ABL2: variants seen among roughly 807,000 people sequenced by gnomAD.
The protein encoded by ABL2 is ABL proto-oncogene 2, non-receptor tyrosine kinase.
In ABL2, 49 loss-of-function variants were observed where a neutral mutation model predicts 107.7. The observed-to-expected ratio is 0.45, with a 90% CI of 0.36 to 0.58. ABL2 has a LOEUF of 0.58. Among genes scored for constraint, ABL2 ranks in the 20% least tolerant of loss-of-function variants. The pLI is 0.00. For missense variants in ABL2, 1,245 were observed against 1,457.0 expected (o/e 0.85, Z 2.37); for synonymous variants, 549 against 548.6 (o/e 1.00, Z -0.01).
intron 4 of ABL2, among the ~76,000 whole-genome samples, chr1:179,124,464 CTTTTTTTTTT>C (rs562899587): frequency 1.2e-5 from 1 of 83,350 alleles, no homozygotes; most frequent in East Asian, 3.9e-4. Context: ...TTAGCTTCTG[CTTTTTTTTTT>C]TTTTTTTTTT....
Position 179,222,022 on chromosome 1 carries a change from C to A in ABL2, c.157+7219G>T. The A allele has an allele frequency of 1.5e-5, 3 of 200,160 alleles. No individual in the cohort carries two copies. In the South Asian group the frequency reaches 3.1e-4, roughly 21 times the overall value. The allele number at this position is 200,160 out of a possible 1,614,324, so 12.4% of individuals were successfully genotyped here. ...CTTTTCTTTCTATATAGAATCCATT[C>A]AGATGTCTGTCAATTTGGATGTGTG... On this transcript the variant is annotated intron_variant, in intron 1 of 11. Transcript: ENST00000502732.
chr1:179,177,765 A>G (rs1300887841), intron 1 of ABL2, among the ~76,000 whole-genome samples: 2 of 152,194 alleles, frequency 1.3e-5, no homozygotes, highest in Admixed American at 6.5e-5. Context: ...AACCAGTATA[A>G]AAGTAGCTTT....
intron 10 of ABL2, 155 bp from the exon 11 acceptor site, chr1:179,110,610 T>G: frequency 6.7e-7 from 1 of 1,502,862 alleles, no homozygotes; most frequent in Non-Finnish European, 8.9e-7. Flanking sequence ...TTGTCTGGCT[T>G]CTTTCGCCCA....
chr1:179,152,499 G>A (rs572201675), intron 1 of ABL2, among the ~76,000 whole-genome samples: 27 of 152,274 alleles, frequency 1.8e-4, no homozygotes, highest in African/African-American at 5.8e-4. Context: ...AGCTCACTGA[G>A]TTTTTTGCAT....
intron 1 of ABL2, among the ~76,000 whole-genome samples, chr1:179,223,725 T>C (rs1663011488): frequency 6.6e-6 from 1 of 152,066 alleles, no homozygotes; most frequent in African/African-American, 2.4e-5. Flanking sequence ...AGTTTAGTTC[T>C]TATATTAAGT....
chr1:179,132,568 G>A (rs1004666383), intron 2 of ABL2, among the ~76,000 whole-genome samples: 14 of 151,454 alleles, frequency 9.2e-5, no homozygotes, highest in African/African-American at 3.2e-4. Context: ...ATGGAGTTTC[G>A]CTCTTGTTGC....
At position 179,099,601 on chromosome 1, in the gene ABL2, C is replaced by T. The variant is rs1046869909; in HGVS notation, c.*8117G>A. On this transcript the variant is annotated 3_prime_UTR_variant, in exon 12 of 12. Coordinates refer to ENST00000502732, the MANE Select transcript of ABL2 (RefSeq NM_007314.4). Reference sequence around the variant, plus strand: ...TTTTTAGTTAAATCCCACATTGTCTCACTATGTCCCCTTAGCAATGCACAC... The same window carrying T: ...TTTTTAGTTAAATCCCACATTGTCTTACTATGTCCCCTTAGCAATGCACAC... 1.7e-5 allele frequency: 4 copies of T among 230,556 alleles called. No homozygotes were observed. The highest frequency in any genetic ancestry group is 1.3e-3 in the Middle Eastern group (1 of 770). 14.3% of individuals were successfully genotyped at this position (230,556 alleles called of 1,614,324 possible). A position where few individuals can be genotyped will look rare whatever the true frequency, so the allele number is the denominator to read the frequency against.
At chr1:179,192,462 T>C (rs1661077930) in intron 1 of ABL2, among the ~76,000 whole-genome samples, 1 of 152,234 alleles carries the variant, frequency 6.6e-6, no homozygotes, top group Non-Finnish European at 1.5e-5. Context: ...AGACCACTTT[T>C]ATTCTCACTG....
In ABL2 at chr1:179,151,607, G is replaced by A. The variant is rs187331212; in HGVS notation, c.158-18233C>T. On this transcript the variant is annotated intron_variant, in intron 1 of 11. Transcript: ENST00000502732. ...CTCATTTTAAAAATCCAGTACGTAT[G>A]AGACTTCTTGCCACAAAAAGTAAAA... Among the ~76,000 whole-genome samples, 55 of 152,234 alleles carry A rather than the reference G, an allele frequency of 3.6e-4. No individual in the cohort carries two copies. In the East Asian group the frequency reaches 9.3e-3, roughly 26 times the overall value.
At chr1:179,141,659 G>A (rs1453374578) in intron 1 of ABL2, among the ~76,000 whole-genome samples, 4 of 152,084 alleles carry the variant, frequency 2.6e-5, no homozygotes, top group Admixed American at 2.6e-4. Context: ...TGGTTTTACG[G>A]TCTTTTTGGT....
intron 1 of ABL2, among the ~76,000 whole-genome samples, chr1:179,207,715 TTC>T (rs1184476259): frequency 6.6e-6 from 1 of 152,174 alleles, no homozygotes; most frequent in African/African-American, 2.4e-5. Context: ...AATACATTAT[TTC>T]TAAGGTCTCT....
At chr1:179,182,193 G>C (rs142081802) in intron 1 of ABL2, among the ~76,000 whole-genome samples, 2 of 151,758 alleles carry the variant, frequency 1.3e-5, no homozygotes, top group Non-Finnish European at 2.9e-5. Context: ...ATAATCACTT[G>C]CTCCTCTCTC....
chr1:179,125,288 A>G (rs1189988699), intron 4 of ABL2, among the ~76,000 whole-genome samples: 2 of 152,238 alleles, frequency 1.3e-5, no homozygotes, highest in Admixed American at 1.3e-4. Context: ...TGGTGTGTGT[A>G]GCAGTACTGT....
intron 1 of ABL2, among the ~76,000 whole-genome samples, chr1:179,141,699 CTTCT>C (rs1331456788): frequency 6.6e-6 from 1 of 152,160 alleles, no homozygotes; most frequent in Non-Finnish European, 1.5e-5. Context: ...TCCTTCCTTT[CTTCT>C]TTCTTCCCAC....
intron 1 of ABL2, among the ~76,000 whole-genome samples, chr1:179,141,001 A>C (rs1278488626): frequency 6.6e-6 from 1 of 151,926 alleles, no homozygotes; most frequent in Non-Finnish European, 1.5e-5. Context: ...CTGTAATCCC[A>C]ACTACTCGGG....
chr1:179,148,900 GAAAAAAAAAAA>G (rs35904029), intron 1 of ABL2, among the ~76,000 whole-genome samples: 1 of 107,438 alleles, frequency 9.3e-6, no homozygotes, highest in Non-Finnish European at 1.8e-5. Context: ...ACTCCGTCTT[GAAAAAAAAAAA>G]AAGGAAAAAA....
At chr1:179,133,065 G>A (rs1015839224) in intron 2 of ABL2, among the ~76,000 whole-genome samples, 1 of 151,406 alleles carries the variant, frequency 6.6e-6, no homozygotes, top group African/African-American at 2.4e-5. Flanking sequence ...CACCATGTTG[G>A]CCAGGCTGGT....
intron 7 of ABL2, 41 bp downstream of exon 7, chr1:179,118,546 C>G: frequency 6.4e-7 from 1 of 1,571,362 alleles, no homozygotes; most frequent in Non-Finnish European, 8.7e-7. Flanking sequence ...GCATGTCAAG[C>G]AAGATGGCTT....
Position 179,216,495 on chromosome 1 carries a change from TC to T in ABL2, c.157+12745del, listed in dbSNP as rs561670573. Among the ~76,000 whole-genome samples, 11 of 152,308 alleles carry T rather than the reference TC, an allele frequency of 7.2e-5. No individual in the cohort carries two copies. The East Asian group carries it at 1.5e-3, about 21-fold the overall frequency. On this transcript the variant is annotated intron_variant, in intron 1 of 11. Transcript: ENST00000502732. ...TCAACATCTATTTGATCAGCAACAT[TC>T]TTTTAGATAGCAGTTCTGTCTAAAT...
Sources: allele counts gnomAD v4.1 joint callset (sites outside exome capture counted in the v4.1 genomes callset), GRCh38; gene constraint gnomAD v4.1.1; transcripts MANE v1.5; gene names NCBI Gene and HGNC (gene_info 2026-07-23, HGNC 2026-07-21).